The following NFIB variants were observed in gnomAD, a reference collection of about 807,000 sequenced individuals.
NFIB encodes the protein nuclear factor I B.
In NFIB, 11 loss-of-function variants were observed where a neutral mutation model predicts 61.5. The ratio of observed to expected loss-of-function variants is 0.18; its 90% CI spans 0.11 to 0.30. The LOEUF (loss-of-function observed/expected upper bound fraction) is 0.30. Among genes scored for constraint, NFIB ranks in the 10% least tolerant of loss-of-function variants. The pLI is 1.00. For synonymous variants in NFIB, 260 were observed against 216.5 expected (o/e 1.20, Z -1.76); for missense variants, 471 against 608.9 (o/e 0.77, Z 2.38).
intron 2 of NFIB, among the ~76,000 whole-genome samples, chr9:14,186,637 T>C (rs1410627943): frequency 6.6e-6 from 1 of 152,070 alleles, no homozygotes; most frequent in Non-Finnish European, 1.5e-5. Context: ...CCTTCTTCTC[T>C]CTTCCCCTCT....
chr9:14,113,032 G>A lies in NFIB; in HGVS notation c.1434C>T (p.Ser478=), dbSNP rs1310040688. 2.6e-6 allele frequency: 4 copies of A among 1,550,236 alleles called. No individual in the cohort carries two copies. The highest frequency in any genetic ancestry group is 1.4e-5 in the African/African-American group (1 of 72,994). ...TSQANRYVGL[S]PRDPSFLHQQ... is the part of the protein sequence containing the mutation. ...GATGTAGGAAGGATGGGTCTCTTGG[G>A]CTTAGTCCCACATATCGATTGGCTT... Residue 478 remains serine, a synonymous_variant, in exon 10 of 11, where the codon AGC becomes AGT. Coordinates refer to ENST00000380953, the MANE Select transcript of NFIB (RefSeq NM_001190737.2).
chr9:14,524,515 G>A, the NFIB span, among the ~76,000 whole-genome samples: 1 of 152,136 alleles, frequency 6.6e-6, no homozygotes, highest in Non-Finnish European at 1.5e-5. Context: ...GTCTTTTGTG[G>A]TACAAGCTAA....
chr9:14,106,060 G>C (rs901667039), intron 10 of NFIB, among the ~76,000 whole-genome samples: 1 of 151,908 alleles, frequency 6.6e-6, no homozygotes, highest in Non-Finnish European at 1.5e-5. Flanking sequence ...TAAGTTCAAA[G>C]CTTTAAGAAT....
At chr9:14,090,692 T>C (rs1479262263) in intron 10 of NFIB, among the ~76,000 whole-genome samples, 1 of 152,064 alleles carries the variant, frequency 6.6e-6, no homozygotes, top group Non-Finnish European at 1.5e-5. Flanking sequence ...AAGCAGATAA[T>C]CCTTGACAGT....
At chr9:14,089,916 C>A (rs894605945) in intron 10 of NFIB, among the ~76,000 whole-genome samples, 1 of 152,032 alleles carries the variant, frequency 6.6e-6, no homozygotes, top group Non-Finnish European at 1.5e-5. Context: ...GTTAACATTT[C>A]AAAACAATAT....
At chr9:14,471,407 T>A in the NFIB span, among the ~76,000 whole-genome samples, 2 of 152,214 alleles carry the variant, frequency 1.3e-5, no homozygotes, top group African/African-American at 4.8e-5. Flanking sequence ...GTGTACCACA[T>A]GTGGAATGCC....
upstream of NFIB, among the ~76,000 whole-genome samples, chr9:14,315,148 CA>C (rs1252889380): frequency 2.6e-5 from 4 of 151,880 alleles, no homozygotes; most frequent in Non-Finnish European, 2.9e-5. Flanking sequence ...CGGCGTGGAC[CA>C]GGGGGGTGCG....
At chr9:14,244,620 A>T (rs2054701922) in intron 2 of NFIB, among the ~76,000 whole-genome samples, 1 of 152,230 alleles carries the variant, frequency 6.6e-6, no homozygotes. Context: ...TTCACAAACC[A>T]TGCCCAGTTC....
chr9:14,104,597 T>C (rs1246067827), intron 10 of NFIB, among the ~76,000 whole-genome samples: 1 of 152,136 alleles, frequency 6.6e-6, no homozygotes, highest in Non-Finnish European at 1.5e-5. Context: ...TGTTTGTTTT[T>C]TGAGACAGGC....
chr9:14,120,521 T>A lies in NFIB; in HGVS notation c.1164A>T (p.Arg388Ser). The A allele has an allele frequency of 6.2e-7, 1 of 1,614,110 alleles. No homozygotes were observed. The highest frequency in any genetic ancestry group is 8.5e-7 in the Non-Finnish European group (1 of 1,180,016). The stretch of plus-strand genomic sequence containing the variant: ...CCTGAGGATTCAGGTGGGGAGGATA[T>A]CTGATTGTTGGATGAGAAAAGTAGC... ...PSSYFSHPTI[R>S]YPPHLNPQDT... is the part of the protein sequence containing the mutation. Residue 388 changes from arginine to serine, a missense_variant, in exon 8 of 11, where the codon AGA (arginine) becomes AGT (serine). Around this residue, in one of 2 missense-constraint regions of NFIB, gnomAD observed 372 missense variants for 395.6 expected, o/e 0.94. Coordinates refer to ENST00000380953, the MANE Select transcript of NFIB (RefSeq NM_001190737.2). This position sits in a 1 kb window ranked among gnomAD's most constrained non-coding sequence, Gnocchi z 4.4.
the NFIB span, among the ~76,000 whole-genome samples, chr9:14,469,300 G>T: frequency 1.3e-5 from 2 of 152,130 alleles, no homozygotes; most frequent in East Asian, 3.9e-4. Flanking sequence ...AAGATGACAT[G>T]GGATACTGAT....
At chr9:14,469,988 C>G in the NFIB span, among the ~76,000 whole-genome samples, 11 of 152,264 alleles carry the variant, frequency 7.2e-5, no homozygotes, top group African/African-American at 2.6e-4. Flanking sequence ...TTTTAAAGAA[C>G]TATTGCAGAG....
intron 2 of NFIB, among the ~76,000 whole-genome samples, chr9:14,188,062 C>A (rs1488553502): frequency 6.6e-6 from 1 of 152,164 alleles, no homozygotes; most frequent in African/African-American, 2.4e-5. Flanking sequence ...AGGTCATAAT[C>A]AGGATCACCT....
intron 3 of NFIB, among the ~76,000 whole-genome samples, chr9:14,167,905 T>C (rs760849064): frequency 1.3e-5 from 2 of 152,176 alleles, no homozygotes; most frequent in South Asian, 4.1e-4. Context: ...TTTGTCAAAC[T>C]GGGAGAAGAG....
At chr9:14,309,467 C>T (rs1370153264) in intron 1 of NFIB, among the ~76,000 whole-genome samples, 1 of 152,200 alleles carries the variant, frequency 6.6e-6, no homozygotes, top group Non-Finnish European at 1.5e-5. Flanking sequence ...TACATCACAG[C>T]ATGAGGCATA....
intron 1 of NFIB, among the ~76,000 whole-genome samples, chr9:14,364,554 TA>T (rs2061278187): frequency 6.6e-6 from 1 of 152,214 alleles, no homozygotes; most frequent in East Asian, 1.9e-4. Context: ...CTTTTTAATA[TA>T]ACAACACATT....
chr9:14,133,562 G>T (rs1289420857), intron 6 of NFIB, among the ~76,000 whole-genome samples: 1 of 152,174 alleles, frequency 6.6e-6, no homozygotes, highest in Non-Finnish European at 1.5e-5. Context: ...CCTGAGACAA[G>T]GAAACAGTTT....
chr9:14,172,931 G>A (rs1421548659), intron 3 of NFIB, among the ~76,000 whole-genome samples: 5 of 152,074 alleles, frequency 3.3e-5, no homozygotes, highest in South Asian at 4.2e-4. Flanking sequence ...CACCACACCC[G>A]GCTAATTTTT....
chr9:14,228,678 T>C (rs1233630858), intron 2 of NFIB, among the ~76,000 whole-genome samples: 2 of 152,208 alleles, frequency 1.3e-5, no homozygotes, highest in Non-Finnish European at 2.9e-5. Context: ...AATATTCTAA[T>C]GAAAAAGCTT....
Sources: gnomAD v4.1 joint callset for allele counts (sites outside exome capture counted in the v4.1 genomes callset) on GRCh38, gnomAD v4.1.1 for gene constraint, gnomAD v4.1.1 regional missense constraint, Gnocchi (gnomAD v3.1) non-coding constraint, MANE v1.5 for transcripts, NCBI Gene and HGNC (gene_info 2026-07-23, HGNC 2026-07-21) for gene names.